The following TNR variants were observed in gnomAD, a reference collection of about 807,000 sequenced individuals.
TNR encodes the protein tenascin-R.
TNR carries 45 observed loss-of-function variants against 150.4 expected under a neutral mutation model. The ratio of observed to expected loss-of-function variants is 0.30; its 90% CI spans 0.24 to 0.38. The LOEUF is 0.38. TNR is among the 10% of genes least tolerant of loss of function. TNR has a pLI of 1.00. For synonymous variants in TNR, 687 were observed against 678.4 expected, an observed-to-expected ratio of 1.01 and a Z score of -0.20; for missense variants, 1,544 against 1,759.1, an observed-to-expected ratio of 0.88 and a Z score of 2.19.
At chr1:175,654,269 G>T (rs571140148) in intron 1 of TNR, among the ~76,000 whole-genome samples, 1 of 152,310 alleles carries the variant, frequency 6.6e-6, no homozygotes, top group Non-Finnish European at 1.5e-5. Flanking sequence ...AGAGCAAGAT[G>T]CTGGTTATAG....
At chr1:175,341,978 G>A (rs1316168294) in intron 18 of TNR, among the ~76,000 whole-genome samples, 1 of 152,232 alleles carries the variant, frequency 6.6e-6, no homozygotes, top group Non-Finnish European at 1.5e-5. Context: ...AGCCCACATG[G>A]GGTGAGCCAC....
chr1:175,368,412 C>T (rs981718666), intron 9 of TNR, among the ~76,000 whole-genome samples: 21 of 152,220 alleles, frequency 1.4e-4, no homozygotes, highest in African/African-American at 4.8e-4. Context: ...CCTATCATTG[C>T]ATCTACTCTG....
chr1:175,401,899 C>T (rs1397376658), intron 4 of TNR, among the ~76,000 whole-genome samples: 2 of 152,172 alleles, frequency 1.3e-5, no homozygotes, highest in Non-Finnish European at 2.9e-5. Flanking sequence ...TGGAAAAGAC[C>T]AACCACTTAA....
intron 1 of TNR, among the ~76,000 whole-genome samples, chr1:175,647,159 T>C (rs900939350): frequency 6.6e-5 from 10 of 152,218 alleles, no homozygotes; most frequent in African/African-American, 2.4e-5. Flanking sequence ...GAAAAATCAA[T>C]TGTTTAAAAC....
chr1:175,435,128 A>C (rs1655443325), intron 2 of TNR, among the ~76,000 whole-genome samples: 1 of 152,186 alleles, frequency 6.6e-6, no homozygotes, highest in African/African-American at 2.4e-5. Flanking sequence ...TATGTTTTGA[A>C]AGATCACTTG....
At chr1:175,376,319 T>C (rs930287478) in intron 9 of TNR, among the ~76,000 whole-genome samples, 6 of 152,220 alleles carry the variant, frequency 3.9e-5, no homozygotes, top group Non-Finnish European at 7.3e-5. Context: ...TCAGAAGCAC[T>C]ACCTTAAACT....
At chr1:175,717,058 A>G (rs1318024591) in intron 1 of TNR, among the ~76,000 whole-genome samples, 3 of 152,086 alleles carry the variant, frequency 2.0e-5, no homozygotes, top group South Asian at 2.1e-4. Flanking sequence ...TCCTCGTACT[A>G]TGCTCTGTGG....
chr1:175,526,653 T>G (rs905051557), intron 2 of TNR, among the ~76,000 whole-genome samples: 7 of 152,192 alleles, frequency 4.6e-5, no homozygotes, highest in African/African-American at 1.7e-4. Context: ...TAAATTCTAA[T>G]GTTATTAAGG....
intron 18 of TNR, among the ~76,000 whole-genome samples, chr1:175,342,266 G>T (rs1650557380): frequency 6.6e-6 from 1 of 152,186 alleles, no homozygotes; most frequent in African/African-American, 2.4e-5. Flanking sequence ...GCAAGGACAG[G>T]GTGAGAAGTG....
chr1:175,458,522 G>GT (rs1330947418), intron 2 of TNR, among the ~76,000 whole-genome samples: 1 of 152,192 alleles, frequency 6.6e-6, no homozygotes, highest in Non-Finnish European at 1.5e-5. Context: ...AGTCACCACA[G>GT]TGTACAGCTG....
chr1:175,378,466 G>A (rs1351473719), intron 9 of TNR, among the ~76,000 whole-genome samples: 1 of 152,216 alleles, frequency 6.6e-6, no homozygotes, highest in Admixed American at 6.5e-5. Context: ...AACCTGAGGA[G>A]TGCTAAGAAG....
intron 6 of TNR, 87 bp downstream of exon 6, chr1:175,393,693 A>G: frequency 1.9e-6 from 2 of 1,028,968 alleles, no homozygotes; most frequent in Non-Finnish European, 3.1e-6. Context: ...GATATTGGGT[A>G]GCACTTTCCT....
In TNR at chr1:175,630,915, C is replaced by T. The variant is rs531734037; in HGVS notation, c.-164-102546G>A. Among the ~76,000 whole-genome samples, 77 of 152,302 alleles carry T rather than the reference C, an allele frequency of 5.1e-4. No homozygotes were observed. The South Asian group carries it at 0.015, about 30-fold the overall frequency. On this transcript the variant is annotated intron_variant, in intron 1 of 22. Coordinates refer to ENST00000367674, the MANE Select transcript of TNR (RefSeq NM_003285.3). ...CAGGCCTCTGCATGGTCTATCCAGA[C>T]TGGTCATCCAGCTGCTCTGGAGAGA...
intron 1 of TNR, among the ~76,000 whole-genome samples, chr1:175,661,085 C>A (rs1266723526): frequency 6.6e-6 from 1 of 152,192 alleles, no homozygotes; most frequent in East Asian, 1.9e-4. Context: ...TTCCACTCTT[C>A]AGTTACATGT....
rs1649060541 is a variant in TNR at position 175,321,636 on chromosome 1, G to C, written c.*1721C>G. ...TTGGAGGAGAAATTGAAAGGTCACGGCTTCTAGAGCATCTAGCTCTCTTGG... is the reference window on the plus strand; with the variant it reads ...TTGGAGGAGAAATTGAAAGGTCACGCCTTCTAGAGCATCTAGCTCTCTTGG... On this transcript the variant is annotated 3_prime_UTR_variant, in exon 23 of 23. Coordinates refer to ENST00000367674, the MANE Select transcript of TNR (RefSeq NM_003285.3). 6.6e-6 allele frequency: 1 copy of C among 152,360 alleles called. No homozygotes were observed. The highest frequency in any genetic ancestry group is 2.4e-5 in the African/African-American group (1 of 41,456). 9.4% of individuals were successfully genotyped at this position (152,360 alleles called of 1,614,324 possible). A position where few individuals can be genotyped will look rare whatever the true frequency, so the allele number is the denominator to read the frequency against.
intron 1 of TNR, among the ~76,000 whole-genome samples, chr1:175,671,548 G>T (rs1665697319): frequency 6.6e-6 from 1 of 152,200 alleles, no homozygotes; most frequent in Non-Finnish European, 1.5e-5. Context: ...GTGACAGGTG[G>T]CAAGGGCATA....
intron 1 of TNR, among the ~76,000 whole-genome samples, chr1:175,634,555 G>A (rs528457754): frequency 1.1e-4 from 16 of 152,352 alleles, no homozygotes; most frequent in African/African-American, 3.8e-4. Context: ...ATGTAAGTCA[G>A]TAGAGTGAAA....
intron 2 of TNR, among the ~76,000 whole-genome samples, chr1:175,495,784 C>A (rs1335757979): frequency 6.6e-6 from 1 of 152,184 alleles, no homozygotes; most frequent in Non-Finnish European, 1.5e-5. Context: ...ATCAGAAGTG[C>A]CGTTTGTGTG....
chr1:175,550,832 T>A (rs1660910509), intron 1 of TNR, among the ~76,000 whole-genome samples: 2 of 149,872 alleles, frequency 1.3e-5, no homozygotes, highest in Non-Finnish European at 3.0e-5. Flanking sequence ...CAAAATAGGA[T>A]CCTACTTACA....
Sources: allele counts gnomAD v4.1 joint callset (sites outside exome capture counted in the v4.1 genomes callset), GRCh38; gene constraint gnomAD v4.1.1; transcripts MANE v1.5; gene names NCBI Gene and HGNC (gene_info 2026-07-23, HGNC 2026-07-21).